Variants in JAK1 observed in about 807,000 individuals in gnomAD.
The protein encoded by JAK1 is Janus kinase 1.
Under a neutral mutation model 136.6 loss-of-function variants are expected in JAK1, and 16 were observed. The observed-to-expected ratio is 0.12, with a 90% CI of 0.08 to 0.18. The LOEUF (loss-of-function observed/expected upper bound fraction) is 0.18, where lower values mean the gene tolerates loss of function less well. Ranked by LOEUF, JAK1 falls within the 10% of genes least tolerant of loss-of-function variation. The pLI is 1.00. For missense variants in JAK1, 859 were observed against 1,450.1 expected, an observed-to-expected ratio of 0.59 and a Z score of 6.62; for synonymous variants, 492 against 519.5, an observed-to-expected ratio of 0.95 and a Z score of 0.72.
At chr1:65,011,433 G>A (rs1157916392) in intron 2 of JAK1, among the ~76,000 whole-genome samples, 4 of 152,072 alleles carry the variant, frequency 2.6e-5, no homozygotes, top group Admixed American at 6.6e-5. Flanking sequence ...CTGGGTGGCA[G>A]AGCAACACCC....
chr1:64,936,252 T>A (rs1645787365), intron 1 of JAK1, among the ~76,000 whole-genome samples: 1 of 152,184 alleles, frequency 6.6e-6, no homozygotes, highest in Non-Finnish European at 1.5e-5. Context: ...TCCTCCTCCA[T>A]GGCAATAACT....
chr1:65,062,329 T>C (rs1168387006), intron 1 of JAK1, among the ~76,000 whole-genome samples: 1 of 152,198 alleles, frequency 6.6e-6, no homozygotes, highest in Non-Finnish European at 1.5e-5. Context: ...TGCTCACAAG[T>C]CAGTTTTATA....
At chr1:64,876,193 A>G (rs1570686764) in intron 4 of JAK1, 1 of 152,224 alleles carries the variant, frequency 6.6e-6, no homozygotes, top group East Asian at 1.9e-4. Context: ...AGGAGGGGAA[A>G]AGGCAGATGT....
intron 1 of JAK1, among the ~76,000 whole-genome samples, chr1:64,907,804 A>G (rs1645215722): frequency 6.6e-6 from 1 of 152,188 alleles, no homozygotes; most frequent in Non-Finnish European, 1.5e-5. Context: ...AAGTGTAATA[A>G]AACACATACT....
intron 5 of JAK1, among the ~76,000 whole-genome samples, chr1:64,870,478 G>A (rs545640584): frequency 2.0e-5 from 3 of 152,220 alleles, no homozygotes; most frequent in Admixed American, 6.5e-5. Flanking sequence ...AAAACCCCAA[G>A]TCAAGTAGAA....
rs764523308 is a variant in JAK1 at position 64,867,200 on chromosome 1, C to T, written c.656G>A (p.Arg219Gln). Residue 219 changes from arginine (R) to glutamine (Q), a missense_variant, in exon 7 of 25, where the codon CGA (arginine) becomes CAA (glutamine). Arg to Gln is a conservative substitution (Grantham distance 43). Transcript: ENST00000342505. ...CTTATTCAATGTTTCTGGAATATAT[C>T]GCTTGTAGCTAAAAGACAGTAGAAA... ...PELPKDISYKRYIPETLNKSI... is the reference protein window; with the variant it reads ...PELPKDISYKQYIPETLNKSI... The T allele has an allele frequency of 7.5e-6, 12 of 1,593,192 alleles. No homozygotes were observed. Among genetic ancestry groups the T allele is most frequent in the South Asian group, 3.3e-5 (3 of 90,006 alleles).
chr1:64,985,881 A>G (rs957790749), intron 2 of JAK1: 11 of 638,458 alleles, frequency 1.7e-5, no homozygotes, highest in Non-Finnish European at 2.3e-5. Flanking sequence ...CATACAACCA[A>G]TGGAGAATAT....
chr1:64,983,451 G>T (rs1411691407), intron 2 of JAK1, among the ~76,000 whole-genome samples: 1 of 152,136 alleles, frequency 6.6e-6, no homozygotes, highest in Non-Finnish European at 1.5e-5. Flanking sequence ...TTCCAAGTCA[G>T]CTATAAACAT....
intron 1 of JAK1, among the ~76,000 whole-genome samples, chr1:64,897,529 GGAGGAGGAGGAGGAGGAGGAGGA>G (rs1645039543): frequency 8.8e-4 from 2 of 2,264 alleles, no homozygotes; most frequent in Non-Finnish European, 1.9e-3. Flanking sequence ...GGAGGGGGAG[GGAGGAGGAGGAGGAGGAGGAGGA>G]GGAGGAGGAG....
intron 1 of JAK1, among the ~76,000 whole-genome samples, chr1:65,051,317 T>C (rs1047476420): frequency 4.6e-5 from 7 of 152,174 alleles, no homozygotes; most frequent in African/African-American, 1.4e-4. Flanking sequence ...AGGGTGTCTA[T>C]ATTCCCAGTG....
chr1:64,845,458 T>A, intron 15 of JAK1, 55 bp downstream of exon 15: 1 of 1,609,386 alleles, frequency 6.2e-7, no homozygotes, highest in Non-Finnish European at 8.5e-7. Context: ...CTGCCACCCC[T>A]CCCAGGACAC....
chr1:64,959,075 T>C (rs1646239361), intron 1 of JAK1, among the ~76,000 whole-genome samples: 1 of 152,208 alleles, frequency 6.6e-6, no homozygotes, highest in East Asian at 1.9e-4. Flanking sequence ...TTTCTCATTC[T>C]AGAGTGGGAA....
At chr1:64,894,262 G>A (rs1644980862) in intron 1 of JAK1, among the ~76,000 whole-genome samples, 2 of 152,154 alleles carry the variant, frequency 1.3e-5, no homozygotes, top group Admixed American at 1.3e-4. Flanking sequence ...GTCCTGACGA[G>A]GAGGAATCGA....
chr1:64,962,942 C>T (rs1187056466), intron 1 of JAK1, among the ~76,000 whole-genome samples: 17 of 152,230 alleles, frequency 1.1e-4, no homozygotes, highest in Non-Finnish European at 4.4e-5. Context: ...CATGGTGGAA[C>T]GTGCCTGTAA....
intron 1 of JAK1, among the ~76,000 whole-genome samples, chr1:64,902,356 A>C (rs1645119674): frequency 2.0e-5 from 3 of 152,122 alleles, no homozygotes; most frequent in Non-Finnish European, 4.4e-5. Flanking sequence ...TTTGTGCCAT[A>C]GATGTTAAGA....
intron 11 of JAK1, among the ~76,000 whole-genome samples, chr1:64,853,815 A>G (rs921818564): frequency 2.0e-5 from 3 of 152,154 alleles, no homozygotes; most frequent in Admixed American, 6.5e-5. Flanking sequence ...CGTGCTGGGC[A>G]CTGTCCTCCC....
chr1:64,841,559 A>G lies in JAK1; in HGVS notation c.2446T>C (p.Ser816Pro), dbSNP rs1477909227. The G allele has an allele frequency of 6.2e-7, 1 of 1,614,112 alleles. No homozygotes were observed. The highest frequency in any genetic ancestry group is 2.2e-5 in the East Asian group (1 of 44,874). ...ATGAGGTCAGCCAGCTCCTTACATGATGGTGTCACTGGCCTGCACCGGCTT... is the reference window on the plus strand; with the variant it reads ...ATGAGGTCAGCCAGCTCCTTACATGGTGGTGTCACTGGCCTGCACCGGCTT... ...YESRCRPVTPSCKELADLMTR... is the reference protein window; with the variant it reads ...YESRCRPVTPPCKELADLMTR... Residue 816 changes from serine (S) to proline (P), a missense_variant, in exon 18 of 25, where the codon TCA (serine) becomes CCA (proline). By Grantham distance (74) the Ser-to-Pro change is moderately conservative. Transcript: ENST00000342505.
intron 1 of JAK1, among the ~76,000 whole-genome samples, chr1:64,925,729 A>C (rs1645572585): frequency 6.6e-6 from 1 of 152,200 alleles, no homozygotes; most frequent in Admixed American, 6.5e-5. Context: ...TCATGCACTT[A>C]TTTGACCTTT....
intron 1 of JAK1, among the ~76,000 whole-genome samples, chr1:64,922,360 G>C (rs1268321769): frequency 1.3e-5 from 2 of 152,170 alleles, no homozygotes; most frequent in Non-Finnish European, 2.9e-5. Flanking sequence ...TAATTATACA[G>C]TAAGGGCTGG....
Sources: allele counts gnomAD v4.1 joint callset (sites outside exome capture counted in the v4.1 genomes callset), GRCh38; gene constraint gnomAD v4.1.1; transcripts MANE v1.5; gene names NCBI Gene and HGNC (gene_info 2026-07-23, HGNC 2026-07-21).